SETBP1: variants seen among roughly 807,000 people sequenced by gnomAD.
SETBP1 encodes the protein SET binding protein 1.
In SETBP1, 9 loss-of-function variants were observed where a neutral mutation model predicts 101.0. The ratio of observed to expected loss-of-function variants is 0.09; its 90% CI spans 0.05 to 0.16. The LOEUF (loss-of-function observed/expected upper bound fraction) is 0.16, where lower values mean the gene tolerates loss of function less well. SETBP1 is among the 10% of genes least tolerant of loss of function. The pLI, the probability that SETBP1 is intolerant of heterozygous loss-of-function variation, is 1.00. For missense variants in SETBP1, 1,858 were observed against 2,033.8 expected, an observed-to-expected ratio of 0.91 and a Z score of 1.66; for synonymous variants, 818 against 788.5, an observed-to-expected ratio of 1.04 and a Z score of -0.63.
intron 2 of SETBP1, among the ~76,000 whole-genome samples, chr18:44,849,687 AG>A (rs2072806342): frequency 2.0e-5 from 3 of 151,992 alleles, no homozygotes; most frequent in African/African-American, 7.2e-5. Context: ...AGAGAGAGAG[AG>A]AGAGAGGAGT....
At chr18:45,011,301 T>C (rs72913361) in intron 4 of SETBP1, among the ~76,000 whole-genome samples, 14,626 of 152,138 alleles carry the variant, frequency 0.096, 999 homozygotes, top group South Asian at 0.14. Context: ...TGGTCAGTGA[T>C]TAAACAAATA....
At chr18:44,873,125 G>A (rs2069316723) in intron 3 of SETBP1, among the ~76,000 whole-genome samples, 2 of 152,182 alleles carry the variant, frequency 1.3e-5, no homozygotes, top group African/African-American at 2.4e-5. Flanking sequence ...ATGTTTTAGT[G>A]CAGAGAAAAC....
chr18:44,777,023 A>G (rs1421231066), intron 2 of SETBP1, among the ~76,000 whole-genome samples: 1 of 152,204 alleles, frequency 6.6e-6, no homozygotes, highest in Non-Finnish European at 1.5e-5. Context: ...TGTGGGCAAT[A>G]AAATAAGGTA....
chr18:44,834,637 T>C (rs2072455795), intron 2 of SETBP1, among the ~76,000 whole-genome samples: 1 of 152,200 alleles, frequency 6.6e-6, no homozygotes, highest in African/African-American at 2.4e-5. Context: ...GTAAATGTAA[T>C]GATTAATCAA....
intron 2 of SETBP1, among the ~76,000 whole-genome samples, chr18:44,702,975 C>A (rs1326434256): frequency 4.6e-5 from 7 of 152,266 alleles, no homozygotes; most frequent in African/African-American, 1.7e-4. Flanking sequence ...TTGGTGGTGT[C>A]AATTGGTTGG....
chr18:44,832,170 G>T (rs915648794), intron 2 of SETBP1, among the ~76,000 whole-genome samples: 1 of 152,102 alleles, frequency 6.6e-6, no homozygotes. Flanking sequence ...ATCAGGTGAC[G>T]CTAGACATCA....
intron 3 of SETBP1, among the ~76,000 whole-genome samples, chr18:44,919,150 T>C (rs548622839): frequency 6.6e-6 from 1 of 152,352 alleles, no homozygotes; most frequent in African/African-American, 2.4e-5. Flanking sequence ...GTCTGTCACA[T>C]AGTTTGTGCT....
chr18:45,016,341 A>G (rs2072940279), intron 4 of SETBP1, among the ~76,000 whole-genome samples: 1 of 152,112 alleles, frequency 6.6e-6, no homozygotes, highest in Non-Finnish European at 1.5e-5. Context: ...CAGGGAAGAG[A>G]GCAGAGCCCA....
At chr18:44,912,770 T>A (rs2070342816) in intron 3 of SETBP1, among the ~76,000 whole-genome samples, 1 of 152,176 alleles carries the variant, frequency 6.6e-6, no homozygotes, top group African/African-American at 2.4e-5. Flanking sequence ...TTACCCCTCC[T>A]CTGTGCACCA....
intron 2 of SETBP1, among the ~76,000 whole-genome samples, chr18:44,868,080 G>T (rs2069168672): frequency 6.6e-6 from 1 of 152,054 alleles, no homozygotes; most frequent in Non-Finnish European, 1.5e-5. Context: ...TGATTATTTT[G>T]CTAGTTAATC....
At chr18:44,772,613 T>C (rs1412009293) in intron 2 of SETBP1, among the ~76,000 whole-genome samples, 2 of 152,190 alleles carry the variant, frequency 1.3e-5, no homozygotes, top group African/African-American at 4.8e-5. Flanking sequence ...CTGTTCTTGG[T>C]CATCCTCCCA....
At chr18:44,891,616 A>T (rs566804918) in intron 3 of SETBP1, among the ~76,000 whole-genome samples, 4 of 149,132 alleles carry the variant, frequency 2.7e-5, no homozygotes, top group African/African-American at 9.9e-5. Flanking sequence ...TATGCTGTTA[A>T]CTCAGGCTGC....
chr18:44,853,298 G>A (rs1289047842), intron 2 of SETBP1, among the ~76,000 whole-genome samples: 1 of 152,120 alleles, frequency 6.6e-6, no homozygotes, highest in Non-Finnish European at 1.5e-5. Context: ...GAGAGGAAGG[G>A]TACAAAGTTT....
At chr18:44,936,907 A>C (rs1453576094) in intron 3 of SETBP1, among the ~76,000 whole-genome samples, 1 of 152,182 alleles carries the variant, frequency 6.6e-6, no homozygotes, top group African/African-American at 2.4e-5. Context: ...GAAAGTGGTG[A>C]GAGACAGCAG....
chr18:44,908,807 G>C (rs560291652), intron 3 of SETBP1, among the ~76,000 whole-genome samples: 1 of 152,316 alleles, frequency 6.6e-6, no homozygotes, highest in South Asian at 2.1e-4. Context: ...GGTAATTCAT[G>C]TCCTGTAGAG....
chr18:44,861,831 T>C (rs970442087), intron 2 of SETBP1, among the ~76,000 whole-genome samples: 4 of 152,204 alleles, frequency 2.6e-5, no homozygotes, highest in Admixed American at 2.6e-4. Context: ...TAAAATCCAG[T>C]TTTCTTGCAT....
intron 2 of SETBP1, among the ~76,000 whole-genome samples, chr18:44,784,212 G>T (rs1397741556): frequency 6.6e-6 from 1 of 152,190 alleles, no homozygotes; most frequent in Non-Finnish European, 1.5e-5. Flanking sequence ...AAATAAGCAG[G>T]TTCTATTAAT....
intron 2 of SETBP1, among the ~76,000 whole-genome samples, chr18:44,791,720 C>T (rs921803256): frequency 2.7e-5 from 4 of 147,542 alleles, no homozygotes; most frequent in Admixed American, 1.4e-4. Context: ...CCTGTGGGGG[C>T]GAGAGAGAGA....
chr18:45,063,743 TG>T lies in SETBP1; in HGVS notation c.*48del. On this transcript the variant is annotated 3_prime_UTR_variant, in exon 6 of 6. Coordinates refer to ENST00000649279, the MANE Select transcript of SETBP1 (RefSeq NM_015559.3). Reference sequence around the variant, plus strand: ...ACCTGGGGCCTAGGGAACTGACACGTGGGAAGCGCAGTGAGCCGGGGCGGGG... The same window carrying T: ...ACCTGGGGCCTAGGGAACTGACACGTGGAAGCGCAGTGAGCCGGGGCGGGG... 6.3e-7 allele frequency: 1 copy of T among 1,576,532 alleles called. No individual in the cohort carries two copies.
Sources: gnomAD v4.1 joint callset for allele counts (sites outside exome capture counted in the v4.1 genomes callset) on GRCh38, gnomAD v4.1.1 for gene constraint, MANE v1.5 for transcripts, NCBI Gene and HGNC (gene_info 2026-07-23, HGNC 2026-07-21) for gene names.